The following TDRD3 variants were observed in gnomAD, a reference collection of about 807,000 sequenced individuals.
The protein encoded by TDRD3 is tudor domain containing 3.
A neutral mutation model predicts 86.7 loss-of-function variants in TDRD3; 45 were observed. The observed-to-expected ratio is 0.52, with a 90% CI of 0.41 to 0.67. The LOEUF (loss-of-function observed/expected upper bound fraction) is 0.67, where lower values mean the gene tolerates loss of function less well. Among genes scored for constraint, TDRD3 ranks in the 30% least tolerant of loss-of-function variants. The probability of loss-of-function intolerance (pLI) is 0.00; values close to 1 mark genes in which losing one functional copy is unlikely to be tolerated. For synonymous variants in TDRD3, 298 were observed against 301.7 expected, an observed-to-expected ratio of 0.99 and a Z score of 0.13; for missense variants, 814 against 889.0, an observed-to-expected ratio of 0.92 and a Z score of 1.07.
chr13:60,421,282 C>T (rs949617779), intron 1 of TDRD3, among the ~76,000 whole-genome samples: 1 of 152,172 alleles, frequency 6.6e-6, no homozygotes, highest in Non-Finnish European at 1.5e-5. Context: ...AGCAAAGGCA[C>T]ATCCTACATG....
rs750474692 is a variant in TDRD3, at chr13:60,509,864, G to A, written c.960G>A (p.Leu320=). The A allele has an allele frequency of 7.4e-6, 12 of 1,613,732 alleles. No individual in the cohort carries two copies. The African/African-American group carries it at 1.3e-4, about 18-fold the overall frequency. The change falls in exon 9 of 14, where the codon CTG becomes CTA. Residue 320 remains leucine (L), a synonymous_variant. Coordinates refer to ENST00000377881, the MANE Select transcript of TDRD3 (RefSeq NM_001146070.2). The part of the protein sequence containing the change: ...MDNGNNLEAA[L]NVLLTSNKQK... ...ATGGCAACAACTTAGAAGCAGCACT[G>A]AACGTACTTCTTACAAGCAATAAAC...
intron 3 of TDRD3, among the ~76,000 whole-genome samples, chr13:60,452,285 G>A (rs1402819520): frequency 6.6e-6 from 1 of 151,936 alleles, no homozygotes; most frequent in Non-Finnish European, 1.5e-5. Flanking sequence ...ATTGTAAATG[G>A]TGTTTAAAAA....
chr13:60,544,576 A>C lies in TDRD3; in HGVS notation c.2118+9343A>C, dbSNP rs190664863. Among the ~76,000 whole-genome samples, 448 of 152,294 alleles carry C rather than the reference A, an allele frequency of 2.9e-3. 1 individual carries two copies. The highest frequency in any genetic ancestry group is 5.2e-3 in the Non-Finnish European group (356 of 68,012). On this transcript the variant is annotated intron_variant, in intron 12 of 13. Transcript: ENST00000377881. ...AAGACCACAATTTCTACTTTGTGTC[A>C]ACATTTATATTGCTCTTTTATTAAT...
chr13:60,446,829 G>A (rs968876318), intron 3 of TDRD3, among the ~76,000 whole-genome samples: 1 of 152,074 alleles, frequency 6.6e-6, no homozygotes, highest in East Asian at 1.9e-4. Flanking sequence ...CCTTATTTAT[G>A]TCTTCATTGG....
At chr13:60,433,024 T>A (rs893662553) in intron 1 of TDRD3, among the ~76,000 whole-genome samples, 6 of 152,148 alleles carry the variant, frequency 3.9e-5, no homozygotes, top group African/African-American at 1.4e-4. Flanking sequence ...TGTCCAGATA[T>A]CTTCTTATTT....
At chr13:60,437,069 T>A (rs914480857) in intron 1 of TDRD3, among the ~76,000 whole-genome samples, 22 of 152,056 alleles carry the variant, frequency 1.4e-4, no homozygotes, top group Non-Finnish European at 2.1e-4. Context: ...TGGCTTTTTT[T>A]AATGAGATTA....
chr13:60,549,845 G>GT (rs1410486835), intron 12 of TDRD3, among the ~76,000 whole-genome samples: 2 of 151,886 alleles, frequency 1.3e-5, no homozygotes, highest in Admixed American at 1.3e-4. Context: ...AGTGCTCATC[G>GT]TATTTTTTTT....
intron 8 of TDRD3, among the ~76,000 whole-genome samples, chr13:60,499,532 A>AT (rs1375555573): frequency 1.3e-5 from 2 of 152,238 alleles, no homozygotes; most frequent in Non-Finnish European, 2.9e-5. Context: ...AGAGAACTTG[A>AT]TCACTTTTCA....
intron 1 of TDRD3, among the ~76,000 whole-genome samples, chr13:60,421,216 C>CCT (rs1954647056): frequency 6.6e-6 from 1 of 152,010 alleles, no homozygotes; most frequent in Non-Finnish European, 1.5e-5. Context: ...GTTTAATGGA[C>CCT]TCACAGTTCC....
chr13:60,448,197 C>G (rs1370173867), intron 3 of TDRD3, among the ~76,000 whole-genome samples: 4 of 152,090 alleles, frequency 2.6e-5, no homozygotes, highest in Non-Finnish European at 5.9e-5. Context: ...GCTGATAGAT[C>G]TGTCATCAGG....
chr13:60,490,061 T>TTG (rs1555281497), intron 7 of TDRD3, among the ~76,000 whole-genome samples: 1 of 149,748 alleles, frequency 6.7e-6, no homozygotes, highest in African/African-American at 2.4e-5. Flanking sequence ...TTTTTTTTTT[T>TTG]TTTTTTTTTT....
In TDRD3 at chr13:60,485,859, G is replaced by A. The variant is rs1470605113; in HGVS notation, c.628G>A (p.Val210Ile). Residue 210 changes from valine to isoleucine, a missense_variant, in exon 7 of 14, where the codon GTT (valine) becomes ATT (isoleucine). By Grantham distance (29) the Val-to-Ile change is conservative. Transcript: ENST00000377881. ...RELDRRKTLQVTMPVKPTNDN... is the reference protein window; with the variant it reads ...RELDRRKTLQITMPVKPTNDN... ...ACTTGATCGAAGAAAAACATTGCAA[G>A]TTACAATGCCTGTCAAACCTACAAA... 3.1e-6 allele frequency: 5 copies of A among 1,610,516 alleles called. No homozygotes were observed. The highest frequency in any genetic ancestry group is 4.2e-6 in the Non-Finnish European group (5 of 1,178,586).
At chr13:60,547,869 T>G (rs535554890) in intron 12 of TDRD3, among the ~76,000 whole-genome samples, 1 of 152,218 alleles carries the variant, frequency 6.6e-6, no homozygotes, top group East Asian at 1.9e-4. Context: ...CTTTCTTCTT[T>G]AATATTCCCA....
upstream of TDRD3, chr13:60,397,121 T>TCCCGGAGCTCCGCAGCCTGGGAGC (rs1256160186): frequency 5.3e-6 from 2 of 376,886 alleles, no homozygotes; most frequent in African/African-American, 4.2e-5. Context: ...GTGGATCAGG[T>TCCCGGAGCTCCGCAGCCTGGGAGC]CCCGGAGCTC....
chr13:60,543,762 A>G (rs1421509502), intron 12 of TDRD3, among the ~76,000 whole-genome samples: 1 of 152,110 alleles, frequency 6.6e-6, no homozygotes, highest in African/African-American at 2.4e-5. Flanking sequence ...GACAAAATAT[A>G]TTCCTGAAAT....
At chr13:60,552,677 G>A (rs1232395811) in intron 12 of TDRD3, among the ~76,000 whole-genome samples, 2 of 152,238 alleles carry the variant, frequency 1.3e-5, no homozygotes, top group African/African-American at 4.8e-5. Flanking sequence ...TGAGGGCTCT[G>A]TCCCTGCAGC....
intron 7 of TDRD3, among the ~76,000 whole-genome samples, chr13:60,489,293 T>C (rs1284169968): frequency 6.6e-6 from 1 of 152,264 alleles, no homozygotes; most frequent in Non-Finnish European, 1.5e-5. Flanking sequence ...AATTAGTTGC[T>C]ACATAGACAT....
At chr13:60,441,877 C>T (rs953044302) in intron 2 of TDRD3, among the ~76,000 whole-genome samples, 14 of 152,118 alleles carry the variant, frequency 9.2e-5, no homozygotes, top group African/African-American at 2.9e-4. Flanking sequence ...TTGGGCTGCC[C>T]GCAAAGGTAC....
At chr13:60,550,668 T>A (rs1170095661) in intron 12 of TDRD3, among the ~76,000 whole-genome samples, 1 of 152,010 alleles carries the variant, frequency 6.6e-6, no homozygotes, top group Non-Finnish European at 1.5e-5. Flanking sequence ...AGATGAATTG[T>A]AAAATCACTT....
Sources: gnomAD v4.1 joint callset for allele counts (sites outside exome capture counted in the v4.1 genomes callset) on GRCh38, gnomAD v4.1.1 for gene constraint, MANE v1.5 for transcripts, NCBI Gene and HGNC (gene_info 2026-07-23, HGNC 2026-07-21) for gene names.